SMAD9: variants seen among roughly 807,000 people sequenced by gnomAD.
The protein encoded by SMAD9 is MAD homolog 9.
Under a neutral mutation model 46.1 loss-of-function variants are expected in SMAD9, and 36 were observed. The ratio of observed to expected loss-of-function variants is 0.78; its 90% confidence interval spans 0.60 to 1.03. The LOEUF (loss-of-function observed/expected upper bound fraction) is 1.03. SMAD9 is among the 50% of genes least tolerant of loss of function. The pLI is 0.00. For synonymous variants in SMAD9, 245 were observed against 237.1 expected (o/e 1.03, Z -0.31); for missense variants, 572 against 599.8 (o/e 0.95, Z 0.48).
intron 3 of SMAD9, among the ~76,000 whole-genome samples, chr13:36,868,630 C>CAA (rs1299373918): frequency 2.6e-5 from 4 of 152,038 alleles, no homozygotes; most frequent in Admixed American, 1.3e-4. Context: ...CCTAGCTACT[C>CAA]AGAGGCTGAG....
Position 36,846,614 on chromosome 13 carries a change from A to G in SMAD9, c.*2062T>C, listed in dbSNP as rs1275930281. Reference sequence around the variant, plus strand: ...GAATGGTTCCCATACAAGATTCACCATATTAATGCCTTTTCTAAGAAAAGG... The same window carrying G: ...GAATGGTTCCCATACAAGATTCACCGTATTAATGCCTTTTCTAAGAAAAGG... On this transcript the variant is annotated 3_prime_UTR_variant, in exon 7 of 7. Transcript: ENST00000379826. The G allele has an allele frequency of 6.6e-6, 1 of 152,124 alleles. No individual in the cohort carries two copies. The highest frequency in any genetic ancestry group is 2.4e-5 in the African/African-American group (1 of 41,428). 9.4% of individuals were successfully genotyped at this position (152,124 alleles called of 1,614,324 possible).
chr13:36,885,501 C>T (rs142442978), intron 1 of SMAD9, among the ~76,000 whole-genome samples: 1 of 152,162 alleles, frequency 6.6e-6, no homozygotes, highest in African/African-American at 2.4e-5. Context: ...GACATAATCA[C>T]TTTATGCATA....
Position 36,865,555 on chromosome 13 carries a change from T to C in SMAD9, c.985A>G (p.Arg329Gly). The change falls in exon 5 of 7, where the codon AGG (arginine) becomes GGG (glycine). Residue 329 changes from arginine (R) to glycine (G), a missense_variant. Coordinates refer to ENST00000379826, the MANE Select transcript of SMAD9 (RefSeq NM_001127217.3). ...CTCTTACCCTTTCCTATATGTCTCC[T>C]GGTATTTTCTATCGTTGAGTTTCTG... ...VNRNSTIENT[R>G]RHIGKGVHLY... The C allele has an allele frequency of 6.2e-7, 1 of 1,613,412 alleles. No homozygotes were observed. The highest frequency in any genetic ancestry group is 2.2e-5 in the East Asian group (1 of 44,884).
chr13:36,907,392 T>C (rs1347191539), intron 1 of SMAD9, among the ~76,000 whole-genome samples: 1 of 152,174 alleles, frequency 6.6e-6, no homozygotes, highest in East Asian at 1.9e-4. Flanking sequence ...AATGAGGCCA[T>C]GTGCGGTGGT....
At chr13:36,910,953 T>G (rs190027140) in intron 1 of SMAD9, among the ~76,000 whole-genome samples, 1 of 152,320 alleles carries the variant, frequency 6.6e-6, no homozygotes, top group East Asian at 1.9e-4. Flanking sequence ...AAATGTTGAA[T>G]GAATGAAAGT....
At chr13:36,899,923 TC>T (rs1389347119) in intron 1 of SMAD9, among the ~76,000 whole-genome samples, 2 of 152,160 alleles carry the variant, frequency 1.3e-5, no homozygotes, top group African/African-American at 4.8e-5. Context: ...TCACAATCTT[TC>T]CCTGCTCCAA....
intron 1 of SMAD9, among the ~76,000 whole-genome samples, chr13:36,912,101 C>G (rs577368785): frequency 2.6e-5 from 4 of 152,322 alleles, no homozygotes; most frequent in African/African-American, 9.6e-5. Flanking sequence ...CATTTAAAAG[C>G]ATGCAAACCA....
chr13:36,880,018 C>A (rs570613261), intron 1 of SMAD9, 143 bp from the exon 2 acceptor site: 1 of 368,168 alleles, frequency 2.7e-6, no homozygotes, highest in Non-Finnish European at 5.1e-6. Flanking sequence ...GTCAAGGCTG[C>A]GCCACTGCAC....
chr13:36,884,086 G>T (rs899542723), intron 1 of SMAD9, among the ~76,000 whole-genome samples: 2 of 152,116 alleles, frequency 1.3e-5, no homozygotes, highest in Non-Finnish European at 2.9e-5. Context: ...GTCTGAGCGC[G>T]ACCTTCACTC....
intron 1 of SMAD9, among the ~76,000 whole-genome samples, chr13:36,908,447 T>C (rs2058635461): frequency 6.6e-6 from 1 of 152,232 alleles, no homozygotes; most frequent in Non-Finnish European, 1.5e-5. Context: ...AGAGTCTCCA[T>C]GACTTCAAAT....
At chr13:36,865,888 G>T (rs765054879) in intron 4 of SMAD9, 130 bp from the exon 5 acceptor site, 2 of 752,254 alleles carry the variant, frequency 2.7e-6, no homozygotes, top group South Asian at 1.6e-5. Context: ...ATGCCGCTCT[G>T]CAATCTTTTA....
chr13:36,911,863 C>T (rs1022145079), intron 1 of SMAD9, among the ~76,000 whole-genome samples: 2 of 152,160 alleles, frequency 1.3e-5, no homozygotes, highest in African/African-American at 2.4e-5. Context: ...CATGTGCCAC[C>T]ACACCCAGCT....
At chr13:36,891,672 C>T (rs749082720) in intron 1 of SMAD9, among the ~76,000 whole-genome samples, 68 of 152,276 alleles carry the variant, frequency 4.5e-4, no homozygotes, top group Non-Finnish European at 9.1e-4. Flanking sequence ...TTCCCGGTTC[C>T]CTAGGTCAGA....
intron 1 of SMAD9, among the ~76,000 whole-genome samples, chr13:36,896,587 C>CT (rs991671658): frequency 5.9e-5 from 9 of 152,110 alleles, no homozygotes; most frequent in African/African-American, 2.2e-4. Flanking sequence ...CCAGAATTCC[C>CT]TGTAGCATGC....
intron 1 of SMAD9, among the ~76,000 whole-genome samples, chr13:36,902,773 T>C (rs986737153): frequency 6.6e-6 from 1 of 152,116 alleles, no homozygotes; most frequent in African/African-American, 2.4e-5. Flanking sequence ...TCTTTTTCAA[T>C]GTTGTGTTGT....
intron 1 of SMAD9, among the ~76,000 whole-genome samples, chr13:36,913,715 GTTTGTC>G (rs2058678179): frequency 6.6e-6 from 1 of 152,112 alleles, no homozygotes; most frequent in Non-Finnish European, 1.5e-5. Context: ...GTCCATAAAT[GTTTGTC>G]TTTGACAAAT....
intron 1 of SMAD9, among the ~76,000 whole-genome samples, chr13:36,889,501 AT>A (rs1284351728): frequency 2.0e-5 from 3 of 152,228 alleles, no homozygotes; most frequent in Non-Finnish European, 2.9e-5. Flanking sequence ...CCATTAACTC[AT>A]AGAACAAAGC....
intron 1 of SMAD9, among the ~76,000 whole-genome samples, chr13:36,910,881 GGCCACAAGCCAA>G (rs2058655799): frequency 6.6e-6 from 1 of 152,142 alleles, no homozygotes; most frequent in Admixed American, 6.5e-5. Flanking sequence ...CCTTCTATCA[GGCCACAAGCCAA>G]GCCACATTGT....
chr13:36,883,827 T>G (rs1045003328), intron 1 of SMAD9, among the ~76,000 whole-genome samples: 8 of 152,216 alleles, frequency 5.3e-5, no homozygotes, highest in Non-Finnish European at 1.2e-4. Context: ...TTTTTTGGTG[T>G]GGTATAGTCT....
Sources: gnomAD v4.1 joint callset for allele counts (sites outside exome capture counted in the v4.1 genomes callset) on GRCh38, gnomAD v4.1.1 for gene constraint, MANE v1.5 for transcripts, NCBI Gene and HGNC (gene_info 2026-07-23, HGNC 2026-07-21) for gene names.